ADARB2: variants seen among roughly 807,000 people sequenced by gnomAD.
ADARB2 encodes the protein adenosine deaminase RNA specific B2 (inactive).
ADARB2 carries 25 observed loss-of-function variants against 62.2 expected under a neutral mutation model. The ratio of observed to expected loss-of-function variants is 0.40; its 90% confidence interval spans 0.29 to 0.56. The LOEUF (loss-of-function observed/expected upper bound fraction) is 0.56, where lower values mean the gene tolerates loss of function less well. Ranked by LOEUF, ADARB2 falls within the 20% of genes least tolerant of loss-of-function variation. The pLI is 0.43. For synonymous variants in ADARB2, 572 were observed against 500.8 expected (o/e 1.14, Z -1.90); for missense variants, 1,071 against 1,077.4 (o/e 0.99, Z 0.08).
At chr10:1,293,675 A>G (rs1004195578) in intron 3 of ADARB2, among the ~76,000 whole-genome samples, 4 of 152,224 alleles carry the variant, frequency 2.6e-5, no homozygotes, top group African/African-American at 9.6e-5. Flanking sequence ...GGAGATGTGT[A>G]TCTTCATTCC....
intron 1 of ADARB2, among the ~76,000 whole-genome samples, chr10:1,698,513 GA>G (rs1834777356): frequency 6.6e-6 from 1 of 152,212 alleles, no homozygotes; most frequent in Non-Finnish European, 1.5e-5. Flanking sequence ...GCTCATGGAA[GA>G]AAAAATTCGA....
At chr10:1,381,824 C>A (rs1389256034) in intron 1 of ADARB2, among the ~76,000 whole-genome samples, 1 of 152,136 alleles carries the variant, frequency 6.6e-6, no homozygotes, top group Non-Finnish European at 1.5e-5. Flanking sequence ...CATGGTGCTG[C>A]CAGGGTCCAT....
At chr10:1,200,198 C>T (rs1319354170) in intron 7 of ADARB2, 51 bp from the exon 8 acceptor site, 1 of 1,549,256 alleles carries the variant, frequency 6.5e-7, no homozygotes, top group East Asian at 2.4e-5. Context: ...GCCCAGGGAG[C>T]CTGGTCCTCT....
chr10:1,353,726 C>T (rs913071096), intron 3 of ADARB2, among the ~76,000 whole-genome samples: 3 of 152,142 alleles, frequency 2.0e-5, no homozygotes, highest in Non-Finnish European at 4.4e-5. Context: ...TTCCTTTCCT[C>T]CTCATCTCCA....
At chr10:1,343,179 C>T (rs1832045915) in intron 3 of ADARB2, among the ~76,000 whole-genome samples, 1 of 152,100 alleles carries the variant, frequency 6.6e-6, no homozygotes, top group Admixed American at 6.5e-5. Context: ...GGTTTTCAAA[C>T]AACCCCATAA....
chr10:1,653,695 G>T (rs949995141), intron 1 of ADARB2, among the ~76,000 whole-genome samples: 1 of 152,200 alleles, frequency 6.6e-6, no homozygotes, highest in African/African-American at 2.4e-5. Flanking sequence ...GGCACCACAT[G>T]TTCGGTCTCA....
chr10:1,232,364 CTGTGTGTGGTG>C (rs1174827490), intron 6 of ADARB2, among the ~76,000 whole-genome samples: 1 of 150,584 alleles, frequency 6.6e-6, no homozygotes, highest in Admixed American at 6.6e-5. Flanking sequence ...TGTGTGTGGT[CTGTGTGTGGTG>C]TGTGTGGTAT....
intron 1 of ADARB2, among the ~76,000 whole-genome samples, chr10:1,599,584 G>A (rs1427514717): frequency 6.6e-6 from 1 of 152,172 alleles, no homozygotes; most frequent in East Asian, 1.9e-4. Context: ...TACCAGAAAG[G>A]ACACTAAATT....
intron 3 of ADARB2, among the ~76,000 whole-genome samples, chr10:1,350,676 C>T (rs1043455913): frequency 6.6e-6 from 1 of 152,216 alleles, no homozygotes; most frequent in Non-Finnish European, 1.5e-5. Context: ...ATGGCTCGTT[C>T]GGCAGCAACC....
Position 1,535,308 on chromosome 10 carries a change from C to T in ADARB2, c.101-156148G>A, listed in dbSNP as rs115056448. Among the ~76,000 whole-genome samples, 408 of 152,198 alleles carry T rather than the reference C, an allele frequency of 2.7e-3. 4 individuals are homozygous for T. The highest frequency in any genetic ancestry group is 9.4e-3 in the African/African-American group (390 of 41,528). On this transcript the variant is annotated intron_variant, in intron 1 of 9. Transcript: ENST00000381312. ...CCCAGCTGCTAACAAAATCTTCAGACGAGAGTCAGTCTGATTCGGAGTGGA... is the reference window on the plus strand; with the variant it reads ...CCCAGCTGCTAACAAAATCTTCAGATGAGAGTCAGTCTGATTCGGAGTGGA...
At chr10:1,559,486 A>T (rs984554496) in intron 1 of ADARB2, among the ~76,000 whole-genome samples, 2 of 152,032 alleles carry the variant, frequency 1.3e-5, no homozygotes, top group African/African-American at 4.8e-5. Flanking sequence ...CTTCTCTTCC[A>T]CCACTGGCCT....
At chr10:1,332,476 G>GTTTTTTTTT (rs759566790) in intron 3 of ADARB2, among the ~76,000 whole-genome samples, 2 of 130,372 alleles carry the variant, frequency 1.5e-5, no homozygotes, top group Non-Finnish European at 1.6e-5. Context: ...ACTAGCATCA[G>GTTTTTTTTT]TTTTGTTTTT....
chr10:1,533,074 G>A (rs2131961341), intron 1 of ADARB2, among the ~76,000 whole-genome samples: 1 of 151,866 alleles, frequency 6.6e-6, no homozygotes, highest in Admixed American at 6.6e-5. Context: ...CTGGGCCCTG[G>A]AGAGTAACGA....
chr10:1,540,251 C>A (rs188899893), intron 1 of ADARB2, among the ~76,000 whole-genome samples: 200 of 152,006 alleles, frequency 1.3e-3, no homozygotes, highest in South Asian at 1.9e-3. Flanking sequence ...AAGTCCACAT[C>A]TGATTTAGGA....
intron 1 of ADARB2, among the ~76,000 whole-genome samples, chr10:1,540,553 GT>G (rs1564322917): frequency 0.063 from 5,208 of 82,794 alleles, 605 homozygotes; most frequent in Non-Finnish European, 0.075. Context: ...GATCACAGCC[GT>G]CCAGACCCCA....
At position 1,242,260 on chromosome 10, in the gene ADARB2, G is replaced by A. The variant is rs770257869; in HGVS notation, c.1232C>T (p.Ser411Leu). 5.7e-6 allele frequency: 9 copies of A among 1,583,288 alleles called. No individual in the cohort carries two copies. The highest frequency in any genetic ancestry group is 2.7e-5 in the African/African-American group (2 of 74,502). Residue 411 changes from serine (S) to leucine (L), a missense_variant, in exon 5 of 10, where the codon TCG (serine) becomes TTG (leucine). Coordinates refer to ENST00000381312, the MANE Select transcript of ADARB2 (RefSeq NM_018702.4). ...CTCGCCGCTGATGCACTTGGTCCCC[G>A]AGGACAGGGCCACGACCTGCGCCTG... Reference protein sequence around the residue: ...ARQAQVVALSSGTKCISGEHL... With the variant: ...ARQAQVVALSLGTKCISGEHL...
intron 3 of ADARB2, among the ~76,000 whole-genome samples, chr10:1,339,898 T>G (rs1475738342): frequency 1.3e-5 from 2 of 152,094 alleles, no homozygotes; most frequent in South Asian, 2.1e-4. Flanking sequence ...GAAGCTACTC[T>G]CACAGCAGCA....
chr10:1,669,272 CA>C (rs974754231), intron 1 of ADARB2, among the ~76,000 whole-genome samples: 2 of 152,160 alleles, frequency 1.3e-5, no homozygotes, highest in Non-Finnish European at 2.9e-5. Context: ...GCGTGTCTCC[CA>C]GGGGGGTTGA....
At chr10:1,564,197 A>G (rs1050026949) in intron 1 of ADARB2, among the ~76,000 whole-genome samples, 1 of 152,208 alleles carries the variant, frequency 6.6e-6, no homozygotes, top group Non-Finnish European at 1.5e-5. Context: ...ATCCCTGAGG[A>G]ATCGCCACAC....
Sources: gnomAD v4.1 joint callset for allele counts (sites outside exome capture counted in the v4.1 genomes callset) on GRCh38, gnomAD v4.1.1 for gene constraint, MANE v1.5 for transcripts, NCBI Gene and HGNC (gene_info 2026-07-23, HGNC 2026-07-21) for gene names.